The following SNTG1 variants were observed in gnomAD, a reference collection of about 807,000 sequenced individuals.
SNTG1 encodes the protein syntrophin gamma 1.
Under a neutral mutation model 74.7 loss-of-function variants are expected in SNTG1, and 39 were observed. The observed-to-expected ratio is 0.52, with a 90% CI of 0.40 to 0.68. SNTG1 has a LOEUF of 0.68. Among genes scored for constraint, SNTG1 ranks in the 30% least tolerant of loss-of-function variants. The pLI, the probability that SNTG1 is intolerant of heterozygous loss-of-function variation, is 0.00. For missense variants in SNTG1, 685 were observed against 609.5 expected (o/e 1.12, Z -1.30); for synonymous variants, 254 against 217.1 (o/e 1.17, Z -1.49).
At chr8:50,254,979 G>A (rs4548195) in intron 2 of SNTG1, among the ~76,000 whole-genome samples, 117,180 of 128,710 alleles carry the variant, frequency 0.91, 53,952 homozygotes, top group East Asian at 1. Context: ...TTTTGCTCCA[G>A]ACATTTTTAT....
chr8:50,681,338 A>T (rs1450884999), intron 15 of SNTG1, among the ~76,000 whole-genome samples: 1 of 152,010 alleles, frequency 6.6e-6, no homozygotes, highest in Non-Finnish European at 1.5e-5. Flanking sequence ...AAAAGGAGAG[A>T]GGGATGTGTT....
chr8:50,096,459 A>G (rs1277255679), intron 1 of SNTG1, among the ~76,000 whole-genome samples: 1 of 152,218 alleles, frequency 6.6e-6, no homozygotes, highest in Non-Finnish European at 1.5e-5. Flanking sequence ...GTAAACGATG[A>G]CATCCAAATG....
chr8:50,568,919 C>T (rs1281465435), intron 12 of SNTG1: 1 of 152,130 alleles, frequency 6.6e-6, no homozygotes, highest in Non-Finnish European at 1.5e-5. Context: ...AAGTCCTGGT[C>T]ATGGAGGGCG....
intron 1 of SNTG1, among the ~76,000 whole-genome samples, chr8:50,095,293 C>T (rs1284835275): frequency 6.6e-6 from 1 of 152,014 alleles, no homozygotes; most frequent in Non-Finnish European, 1.5e-5. Context: ...GCACACATAC[C>T]CCCAAACCTA....
chr8:49,937,325 C>G (rs890437460), intron 1 of SNTG1, among the ~76,000 whole-genome samples: 3 of 152,070 alleles, frequency 2.0e-5, no homozygotes, highest in Non-Finnish European at 2.9e-5. Flanking sequence ...GAAGCAGGAA[C>G]GTCAGGAGAA....
At chr8:50,456,736 A>G (rs932616306) in intron 8 of SNTG1, among the ~76,000 whole-genome samples, 6 of 152,178 alleles carry the variant, frequency 3.9e-5, no homozygotes, top group Non-Finnish European at 8.8e-5. Flanking sequence ...ACCTTCTAAT[A>G]ATGAGACAAA....
chr8:50,044,418 A>T (rs959520243), intron 1 of SNTG1, among the ~76,000 whole-genome samples: 1 of 152,170 alleles, frequency 6.6e-6, no homozygotes, highest in African/African-American at 2.4e-5. Flanking sequence ...ATTAAACCGG[A>T]TTTCAAAAGC....
intron 2 of SNTG1, among the ~76,000 whole-genome samples, chr8:50,231,132 A>T: frequency 6.6e-6 from 1 of 151,560 alleles, no homozygotes; most frequent in Non-Finnish European, 1.5e-5. Flanking sequence ...ACATCAAAAA[A>T]ATTCAACATC....
At chr8:50,610,381 T>C (rs1410406484) in intron 13 of SNTG1, among the ~76,000 whole-genome samples, 1 of 152,180 alleles carries the variant, frequency 6.6e-6, no homozygotes, top group Non-Finnish European at 1.5e-5. Flanking sequence ...CAAGTTCTAC[T>C]TGGCTTCCTC....
intron 1 of SNTG1, among the ~76,000 whole-genome samples, chr8:49,941,626 G>A (rs913526643): frequency 2.0e-5 from 3 of 151,878 alleles, no homozygotes; most frequent in African/African-American, 7.2e-5. Flanking sequence ...CTGGCCTGCG[G>A]CCTGAGTGAG....
At chr8:50,050,577 A>G (rs1281080370) in intron 1 of SNTG1, among the ~76,000 whole-genome samples, 3 of 152,084 alleles carry the variant, frequency 2.0e-5, no homozygotes, top group Admixed American at 6.6e-5. Flanking sequence ...AATCCTAAGT[A>G]CAGATGCTTA....
chr8:50,303,931 C>T lies in SNTG1; in HGVS notation c.-27-90281C>T, dbSNP rs960567469. ...AAGCTGCTTTCTTCTATTTCTGCTA[C>T]GTACAGTAGAATGCTGCAAATCACA... On this transcript the variant is annotated intron_variant, in intron 2 of 18. Transcript: ENST00000642720. Among the ~76,000 whole-genome samples, 8 of 107,044 alleles carry T rather than the reference C, an allele frequency of 7.5e-5. No homozygotes were observed. The South Asian group carries it at 1.2e-3, about 15-fold the overall frequency. 70.2% of individuals were successfully genotyped at this position (107,044 alleles called of 152,430 possible). A position where few individuals can be genotyped will look rare whatever the true frequency, so the allele number is the denominator to read the frequency against.
At chr8:49,958,091 G>A (rs561975048) in intron 1 of SNTG1, among the ~76,000 whole-genome samples, 116 of 152,242 alleles carry the variant, frequency 7.6e-4, no homozygotes, top group African/African-American at 2.5e-3. Context: ...TAAGAGGTTG[G>A]GGATTCAAAT....
intron 2 of SNTG1, among the ~76,000 whole-genome samples, chr8:50,348,362 T>A (rs2091545458): frequency 6.6e-6 from 1 of 152,170 alleles, no homozygotes. Context: ...AACTGGATTC[T>A]GTCCCTGCAC....
At chr8:50,137,317 C>T (rs1188385892) in intron 1 of SNTG1, among the ~76,000 whole-genome samples, 1 of 152,124 alleles carries the variant, frequency 6.6e-6, no homozygotes, top group African/African-American at 2.4e-5. Context: ...CATCGTCCTG[C>T]TGATGGGACG....
At chr8:49,991,248 T>G (rs1052513146) in intron 1 of SNTG1, among the ~76,000 whole-genome samples, 2 of 152,146 alleles carry the variant, frequency 1.3e-5, no homozygotes, top group Non-Finnish European at 2.9e-5. Flanking sequence ...TAAATGGCAT[T>G]TCATATACAC....
At chr8:49,932,400 A>G (rs1165062051) in intron 1 of SNTG1, among the ~76,000 whole-genome samples, 1 of 152,144 alleles carries the variant, frequency 6.6e-6, no homozygotes, top group Non-Finnish European at 1.5e-5. Context: ...CACAAAGTGA[A>G]CACATATAAT....
intron 1 of SNTG1, among the ~76,000 whole-genome samples, chr8:50,070,312 C>T (rs1821256655): frequency 6.6e-6 from 1 of 151,990 alleles, no homozygotes; most frequent in African/African-American, 2.4e-5. Flanking sequence ...TATTGTGGCT[C>T]CCATAATTTA....
chr8:50,531,051 C>T (rs564076487), intron 10 of SNTG1, among the ~76,000 whole-genome samples: 20 of 152,216 alleles, frequency 1.3e-4, no homozygotes, highest in African/African-American at 3.1e-4. Flanking sequence ...CTTCTTCAAC[C>T]GACTGGTATG....
Sources: gnomAD v4.1 joint callset for allele counts (sites outside exome capture counted in the v4.1 genomes callset) on GRCh38, gnomAD v4.1.1 for gene constraint, MANE v1.5 for transcripts, NCBI Gene and HGNC (gene_info 2026-07-23, HGNC 2026-07-21) for gene names.